The following SYNJ2 variants were observed in gnomAD, a reference collection of about 807,000 sequenced individuals.
The protein encoded by SYNJ2 is polyphosphatidylinositol phosphatase SYNJ2.
Under a neutral mutation model 141.3 loss-of-function variants are expected in SYNJ2, and 116 were observed. That is an observed-to-expected ratio of 0.82 (90% CI 0.71 to 0.96). The LOEUF (loss-of-function observed/expected upper bound fraction) is 0.96. Ranked by LOEUF, SYNJ2 falls within the 40% of genes least tolerant of loss-of-function variation. SYNJ2 has a pLI of 0.00. For synonymous variants in SYNJ2, 745 were observed against 777.7 expected (o/e 0.96, Z 0.70); for missense variants, 1,873 against 1,934.8 (o/e 0.97, Z 0.60).
Position 158,064,593 on chromosome 6 carries a change from CT to C in SYNJ2, c.1210-7del. On this transcript the variant is annotated splice_region_variant and splice_polypyrimidine_tract_variant and intron_variant, in intron 9 of 26. Transcript: ENST00000355585. ...AGCCAGTGACAGCCATCCCTTATTCCTCCCCAGGTCCTGCATCTGCAGCTCA... is the reference window on the plus strand; with the variant it reads ...AGCCAGTGACAGCCATCCCTTATTCCCCCCAGGTCCTGCATCTGCAGCTCA... 6.2e-7 allele frequency: 1 copy of C among 1,613,006 alleles called. No homozygotes were observed. Among genetic ancestry groups the C allele is most frequent in the Non-Finnish European group, 8.5e-7 (1 of 1,179,474 alleles).
upstream of SYNJ2, chr6:157,981,814 G>A: frequency 3.0e-6 from 2 of 671,598 alleles, no homozygotes; most frequent in South Asian, 7.4e-5. The surrounding 1 kb of genome is among the most constrained non-coding windows in gnomAD (Gnocchi z 6.4). Context: ...AGGAGGAAGG[G>A]GAGGAGGCCG....
chr6:158,056,354 A>G (rs1430635199), intron 6 of SYNJ2, among the ~76,000 whole-genome samples: 1 of 152,144 alleles, frequency 6.6e-6, no homozygotes, highest in African/African-American at 2.4e-5. Flanking sequence ...AAGCATTCCT[A>G]AATCTAGGGG....
At chr6:158,004,199 C>G (rs9356212) in intron 1 of SYNJ2, among the ~76,000 whole-genome samples, 3 of 151,770 alleles carry the variant, frequency 2.0e-5, no homozygotes, top group African/African-American at 7.3e-5. Flanking sequence ...GGGGCTGGGT[C>G]AAATGGATCT....
At chr6:158,063,728 G>C in intron 8 of SYNJ2, 63 bp from the exon 9 acceptor site, 1 of 1,180,852 alleles carries the variant, frequency 8.5e-7, no homozygotes, top group Non-Finnish European at 1.2e-6. Flanking sequence ...ATGGGCCTCT[G>C]TGCTATGGCC....
intron 13 of SYNJ2, 67 bp from the exon 14 acceptor site, chr6:158,069,466 T>C: frequency 6.4e-7 from 1 of 1,556,626 alleles, no homozygotes; most frequent in East Asian, 2.3e-5. Flanking sequence ...GCTGGAGCAT[T>C]TGGTAGGTGG....
At position 158,096,520 on chromosome 6, in the gene SYNJ2, C is replaced by A; in HGVS notation, c.*156C>A. 2 of 799,212 alleles carry A rather than the reference C, an allele frequency of 2.5e-6. No homozygotes were observed. Among genetic ancestry groups the A allele is most frequent in the Non-Finnish European group, 3.7e-6 (2 of 534,542 alleles). The allele number at this position is 799,212 out of a possible 1,614,324, so 49.5% of individuals were successfully genotyped here. A position where few individuals can be genotyped will look rare whatever the true frequency, so the allele number is the denominator to read the frequency against. The stretch of plus-strand genomic sequence containing the variant: ...GTTTACAAAAATCGTGTCTCTTATT[C>A]AGTAAGATGGTTACTCAGCCACCAA... On this transcript the variant is annotated 3_prime_UTR_variant, in exon 27 of 27. Transcript: ENST00000355585.
chr6:157,986,177 A>T (rs1026905322), intron 1 of SYNJ2, among the ~76,000 whole-genome samples: 1 of 152,216 alleles, frequency 6.6e-6, no homozygotes, highest in African/African-American at 2.4e-5. Context: ...AGGTAGGACC[A>T]GGCAAGGGTT....
intron 1 of SYNJ2, among the ~76,000 whole-genome samples, chr6:158,000,064 C>CTTTTTTTTTTTTTT (rs58284240): frequency 4.7e-5 from 4 of 85,600 alleles, no homozygotes; most frequent in Admixed American, 1.4e-4. Flanking sequence ...AGCCAAAAGG[C>CTTTTTTTTTTTTTT]TTTTTTTTTT....
chr6:158,076,686 G>A lies in SYNJ2; in HGVS notation c.2353G>A (p.Gly785Ser). Residue 785 changes from glycine (G) to serine (S), a missense_variant, in exon 17 of 27, where the codon GGC (glycine) becomes AGC (serine). By Grantham distance (56) the Gly-to-Ser change is moderately conservative. Transcript: ENST00000355585. ...TGGACCCACCTACAAGTATGACGTT[G>A]GCTCAGCCGCCTACGATACAAGCGA... is the stretch of plus-strand genomic sequence containing the variant. ...NFGPTYKYDV[G>S]SAAYDTSDKC... 3 of 1,614,160 alleles carry A rather than the reference G, an allele frequency of 1.9e-6. No individual in the cohort carries two copies. The highest frequency in any genetic ancestry group is 2.5e-6 in the Non-Finnish European group (3 of 1,180,008).
Position 158,085,624 on chromosome 6 carries a change from G to C in SYNJ2, c.3209-1231G>C, listed in dbSNP as rs116836781. Among the ~76,000 whole-genome samples, 548 of 152,244 alleles carry C rather than the reference G, an allele frequency of 3.6e-3. 3 individuals carry two copies. Among genetic ancestry groups the C allele is most frequent in the African/African-American group, 0.013 (524 of 41,544 alleles). On this transcript the variant is annotated intron_variant, in intron 22 of 26. Transcript: ENST00000355585. ...GCGAAGACCTCCAGCCCCTTTGACC[G>C]TACGCTGGTCCCCACACTGACCAAT...
At chr6:158,009,210 C>T (rs1311411720) in intron 1 of SYNJ2, among the ~76,000 whole-genome samples, 1 of 152,210 alleles carries the variant, frequency 6.6e-6, no homozygotes, top group African/African-American at 2.4e-5. Context: ...TTTTTCTGCT[C>T]CGCGCCTGTC....
At chr6:158,037,393 ATC>A (rs1779693390) in intron 4 of SYNJ2, among the ~76,000 whole-genome samples, 1 of 130,948 alleles carries the variant, frequency 7.6e-6, no homozygotes, top group Non-Finnish European at 1.6e-5. Flanking sequence ...AGTTGTCCTC[ATC>A]TTTTTTTTTT....
intron 7 of SYNJ2, 48 bp downstream of exon 7, chr6:158,059,401 C>T (rs1248254038): frequency 6.5e-7 from 1 of 1,544,500 alleles, no homozygotes; most frequent in East Asian, 2.5e-5. Context: ...GGCAGGTGGC[C>T]ATGGTGGAGC....
At chr6:158,066,131 C>T (rs1232364828) in intron 11 of SYNJ2, among the ~76,000 whole-genome samples, 3 of 152,188 alleles carry the variant, frequency 2.0e-5, no homozygotes, top group Admixed American at 6.5e-5. Context: ...AGTGAGGACA[C>T]GGCTTTTCCC....
intron 2 of SYNJ2, among the ~76,000 whole-genome samples, chr6:158,020,114 AACTC>A (rs1778678359): frequency 7.5e-6 from 1 of 132,676 alleles, no homozygotes. Context: ...TTGTGTGACT[AACTC>A]CACCTGTGTG....
At chr6:158,056,254 G>T (rs1381753146) in intron 6 of SYNJ2, among the ~76,000 whole-genome samples, 1 of 152,144 alleles carries the variant, frequency 6.6e-6, no homozygotes, top group African/African-American at 2.4e-5. Flanking sequence ...TCAGAATCCT[G>T]GTAATGCATG....
rs772723028 is a variant in SYNJ2, at chr6:158,084,051, C to T, written c.3085C>T (p.Pro1029Ser). 5.6e-6 allele frequency: 9 copies of T among 1,614,022 alleles called. No homozygotes were observed. Among genetic ancestry groups the T allele is most frequent in the African/African-American group, 1.3e-5 (1 of 74,908 alleles). The change falls in exon 22 of 27, where the codon CCT (proline) becomes TCT (serine). Residue 1029 changes from proline to serine, a missense_variant. Pro to Ser is a moderately conservative substitution (Grantham distance 74). Coordinates refer to ENST00000355585, the MANE Select transcript of SYNJ2 (RefSeq NM_003898.4). This position sits in a 1 kb window ranked among gnomAD's most constrained non-coding sequence, Gnocchi z 5.0. ...EDYLVDEFNQ[P>S]GVSDSELGGD... Reference sequence around the variant, plus strand: ...CTACTTGGTGGATGAATTCAATCAGCCTGGAGTCTCGGACAGTGAACTCGG... The same window carrying T: ...CTACTTGGTGGATGAATTCAATCAGTCTGGAGTCTCGGACAGTGAACTCGG...
At chr6:158,068,112 C>A in intron 12 of SYNJ2, 2 of 282,046 alleles carry the variant, frequency 7.1e-6, no homozygotes, top group Non-Finnish European at 1.0e-5. Context: ...CCAAGCAGAT[C>A]AGACAGAGGG....
chr6:158,001,647 C>T (rs1777867064), intron 1 of SYNJ2: 1 of 152,310 alleles, frequency 6.6e-6, no homozygotes, highest in Admixed American at 6.5e-5. Flanking sequence ...AGCCGCCCAC[C>T]TCGGCCTCCC....
Sources: gnomAD v4.1 joint callset for allele counts (sites outside exome capture counted in the v4.1 genomes callset) on GRCh38, gnomAD v4.1.1 for gene constraint, Gnocchi (gnomAD v3.1) non-coding constraint, MANE v1.5 for transcripts, NCBI Gene and HGNC (gene_info 2026-07-23, HGNC 2026-07-21) for gene names.